Variants in SYN3 observed in about 807,000 individuals in gnomAD.
SYN3 encodes the protein synapsin-3.
In SYN3, 35 loss-of-function variants were observed where a neutral mutation model predicts 65.8. That is an observed-to-expected ratio of 0.53 (90% CI 0.41 to 0.70). SYN3 has a LOEUF of 0.70. SYN3 is among the 30% of genes least tolerant of loss of function. SYN3 has a pLI of 0.00. For missense variants in SYN3, 680 were observed against 749.0 expected (o/e 0.91, Z 1.08); for synonymous variants, 270 against 292.9 (o/e 0.92, Z 0.80).
chr22:32,596,695 A>G lies in SYN3; in HGVS notation c.753T>C (p.His251=), dbSNP rs2059205285. 1 of 1,613,956 alleles carries G rather than the reference A, an allele frequency of 6.2e-7. No homozygotes were observed. The highest frequency in any genetic ancestry group is 1.3e-5 in the African/African-American group (1 of 74,920). Residue 251 remains histidine (H), a synonymous_variant, in exon 7 of 14, where the codon CAT becomes CAC. Transcript: ENST00000358763. ...PHFPVVVKLG[H]AHAGMGKIKV... is the part of the protein sequence containing the mutation. ...ATACCTTTCCCATTCCAGCGTGGGC[A>G]TGTCCCAGCTTGACTACCACCGGGA...
chr22:32,970,569 A>C (rs551860000), intron 3 of SYN3, among the ~76,000 whole-genome samples: 74 of 152,120 alleles, frequency 4.9e-4, no homozygotes, highest in Middle Eastern at 3.4e-3. Context: ...AGAAAAAAAA[A>C]GGTAAAGACG....
chr22:33,051,221 T>C (rs1284069832), intron 1 of SYN3, among the ~76,000 whole-genome samples: 1 of 152,148 alleles, frequency 6.6e-6, no homozygotes, highest in Non-Finnish European at 1.5e-5. Context: ...AGATAACCCT[T>C]TGTAGGCCTC....
chr22:33,038,602 G>T (rs1041020947), intron 1 of SYN3, among the ~76,000 whole-genome samples: 4 of 152,178 alleles, frequency 2.6e-5, no homozygotes, highest in African/African-American at 9.7e-5. Flanking sequence ...TAGGGCCACA[G>T]AACTGGGCAT....
intron 6 of SYN3, among the ~76,000 whole-genome samples, chr22:32,797,679 G>A (rs964070528): frequency 4.6e-5 from 7 of 152,076 alleles, no homozygotes; most frequent in African/African-American, 1.2e-4. Context: ...TTCTGTTTTC[G>A]GCATTGATTC....
chr22:33,039,810 T>A (rs1218127182), intron 1 of SYN3, among the ~76,000 whole-genome samples: 1 of 152,204 alleles, frequency 6.6e-6, no homozygotes, highest in African/African-American at 2.4e-5. Context: ...ATATATTTAC[T>A]TTTGTAGTGT....
chr22:32,535,467 G>C (rs2058148683), intron 9 of SYN3, among the ~76,000 whole-genome samples: 1 of 152,136 alleles, frequency 6.6e-6, no homozygotes, highest in African/African-American at 2.4e-5. Flanking sequence ...GCCACGTTTG[G>C]GGACAACCTT....
At chr22:32,898,629 C>A (rs2049666484) in intron 4 of SYN3, among the ~76,000 whole-genome samples, 1 of 152,114 alleles carries the variant, frequency 6.6e-6, no homozygotes, top group Non-Finnish European at 1.5e-5. Flanking sequence ...ACAAAGATAG[C>A]CAGTCTGATA....
At chr22:32,609,228 G>A (rs2146673228) in intron 6 of SYN3, among the ~76,000 whole-genome samples, 1 of 152,122 alleles carries the variant, frequency 6.6e-6, no homozygotes, top group East Asian at 1.9e-4. Flanking sequence ...GGAGGCTGAG[G>A]GAGGAGAATG....
chr22:32,571,130 G>A (rs904371817), intron 7 of SYN3, among the ~76,000 whole-genome samples: 2 of 152,166 alleles, frequency 1.3e-5, no homozygotes, highest in Non-Finnish European at 2.9e-5. Context: ...GGCTTTTGGT[G>A]CTACAGGAGG....
chr22:32,939,016 G>T (rs1456870956), intron 3 of SYN3, among the ~76,000 whole-genome samples: 1 of 151,094 alleles, frequency 6.6e-6, no homozygotes, highest in African/African-American at 2.4e-5. Context: ...ATGTGTTAAA[G>T]GAAGCTCTTC....
At chr22:32,569,244 C>A (rs199957179) in intron 7 of SYN3, among the ~76,000 whole-genome samples, 4 of 123,504 alleles carry the variant, frequency 3.2e-5, no homozygotes, top group Non-Finnish European at 5.2e-5. Context: ...CTATCTATCT[C>A]TATGCATCCA....
At chr22:32,931,510 T>C in intron 3 of SYN3, 29 bp from the exon 4 acceptor site, 1 of 1,505,978 alleles carries the variant, frequency 6.6e-7, no homozygotes, top group Non-Finnish European at 9.2e-7. Context: ...CAAAAAAGGA[T>C]TCATCAAATA....
chr22:32,592,272 C>A (rs1030849834), intron 7 of SYN3, among the ~76,000 whole-genome samples: 6 of 152,120 alleles, frequency 3.9e-5, no homozygotes, highest in African/African-American at 1.4e-4. Context: ...CCTCACTGTC[C>A]CCAGGTTATA....
intron 6 of SYN3, among the ~76,000 whole-genome samples, chr22:32,604,199 C>T (rs879560921): frequency 7.2e-5 from 11 of 152,190 alleles, no homozygotes; most frequent in Admixed American, 5.2e-4. Flanking sequence ...CCTACGTAAG[C>T]GATGGGAAAA....
At chr22:32,619,859 C>T (rs1191684071) in intron 6 of SYN3, among the ~76,000 whole-genome samples, 2 of 152,210 alleles carry the variant, frequency 1.3e-5, no homozygotes, top group African/African-American at 4.8e-5. Context: ...GTGAACTAGC[C>T]TGGGTTAGTT....
chr22:32,960,681 C>T (rs1306092773), intron 3 of SYN3, among the ~76,000 whole-genome samples: 1 of 152,220 alleles, frequency 6.6e-6, no homozygotes, highest in Non-Finnish European at 1.5e-5. Context: ...TCAGGACTTT[C>T]GACAGGTGTC....
chr22:32,657,497 G>T (rs1233188834), intron 6 of SYN3, among the ~76,000 whole-genome samples: 5 of 152,230 alleles, frequency 3.3e-5, no homozygotes, highest in African/African-American at 1.2e-4. Flanking sequence ...AGACACAGAA[G>T]TTAGCTGAGA....
chr22:32,671,566 C>G (rs1287666357), intron 6 of SYN3, among the ~76,000 whole-genome samples: 1 of 135,284 alleles, frequency 7.4e-6, no homozygotes, highest in Non-Finnish European at 1.7e-5. Context: ...CACACACATG[C>G]TCTCAAACAA....
intron 1 of SYN3, among the ~76,000 whole-genome samples, chr22:33,029,269 G>A (rs1479863418): frequency 1.3e-5 from 2 of 151,614 alleles, no homozygotes; most frequent in Non-Finnish European, 2.9e-5. Flanking sequence ...CAAACTCCTT[G>A]GCTTAAGCAA....
Sources: gnomAD v4.1 joint callset for allele counts (sites outside exome capture counted in the v4.1 genomes callset) on GRCh38, gnomAD v4.1.1 for gene constraint, MANE v1.5 for transcripts, NCBI Gene and HGNC (gene_info 2026-07-23, HGNC 2026-07-21) for gene names.